Variants in SEMA3A observed in about 807,000 individuals in gnomAD.
SEMA3A encodes the protein semaphorin-3A.
In SEMA3A, 29 loss-of-function variants were observed where a neutral mutation model predicts 97.9. The observed-to-expected ratio is 0.30, with a 90% CI of 0.22 to 0.40. SEMA3A has a LOEUF of 0.40. Ranked by LOEUF, SEMA3A falls within the 10% of genes least tolerant of loss-of-function variation. The pLI, the probability that SEMA3A is intolerant of heterozygous loss-of-function variation, is 1.00. For missense variants in SEMA3A, 763 were observed against 951.3 expected, an observed-to-expected ratio of 0.80 and a Z score of 2.60; for synonymous variants, 321 against 323.7, an observed-to-expected ratio of 0.99 and a Z score of 0.09.
intron 15 of SEMA3A, among the ~76,000 whole-genome samples, chr7:83,972,952 G>A (rs1788977502): frequency 6.6e-6 from 1 of 152,086 alleles, no homozygotes; most frequent in South Asian, 2.1e-4. Flanking sequence ...AATCATAGAA[G>A]TTAATACTGC....
intron 1 of SEMA3A, among the ~76,000 whole-genome samples, chr7:84,425,443 ATATT>A (rs199694054): frequency 0.11 from 15,248 of 137,588 alleles, 1,077 homozygotes; most frequent in East Asian, 0.27. Flanking sequence ...ATATAGGCAT[ATATT>A]TATATGCATA....
Position 84,014,262 on chromosome 7 carries a change from C to T in SEMA3A, c.757G>A (p.Asp253Asn). 1 of 1,613,494 alleles carries T rather than the reference C, an allele frequency of 6.2e-7. No homozygotes were observed. The highest frequency in any genetic ancestry group is 8.5e-7 in the Non-Finnish European group (1 of 1,179,706). The change falls in exon 7 of 17, where the codon GAT becomes AAT. Residue 253 changes from aspartate (D) to asparagine (N), a missense_variant. Asp to Asn is a conservative substitution (Grantham distance 23). Transcript: ENST00000265362. ...GTAGCTTTTCCAGAGTGTTCTCCAT[C>T]TATTGCATTTTCACGGAAGAAAAAG... is the stretch of plus-strand genomic sequence containing the variant. ...VYFFFRENAI[D>N]GEHSGKATHA...
At position 84,403,708 on chromosome 7, in the gene SEMA3A, C is replaced by T. The variant is rs141191330; in HGVS notation, c.-245-31808G>A. Among the ~76,000 whole-genome samples the T allele has an allele frequency of 6.0e-3, 912 of 152,208 alleles. 10 individuals are homozygous for T. The highest frequency in any genetic ancestry group is 0.02 in the African/African-American group (847 of 41,548). On this transcript the variant is annotated intron_variant, in intron 1 of 3. Transcript: ENST00000424555. ...CTCTGAGACAAAACTTCCAGAGGAACGATCAGGCAGCAACATTTGCGGTTC... is the reference window on the plus strand; with the variant it reads ...CTCTGAGACAAAACTTCCAGAGGAATGATCAGGCAGCAACATTTGCGGTTC...
rs542753289 is a variant in SEMA3A at position 84,068,435 on chromosome 7, A to G, written c.454-7877T>C. 2.0e-3 allele frequency among the ~76,000 whole-genome samples: 295 copies of G among 148,366 alleles called. 1 individual carries two copies. Among genetic ancestry groups the G allele is most frequent in the African/African-American group, 7.2e-3 (275 of 38,350 alleles). On this transcript the variant is annotated intron_variant, in intron 4 of 16. Transcript: ENST00000265362. ...ACTTAAAGTATAATTAAAAAAAAAAAAAAACTGGAAAAAACAAAAGAAAAA... is the reference window on the plus strand; with the variant it reads ...ACTTAAAGTATAATTAAAAAAAAAAGAAAACTGGAAAAAACAAAAGAAAAA...
intron 2 of SEMA3A, among the ~76,000 whole-genome samples, chr7:84,331,430 T>C (rs1413251665): frequency 1.3e-5 from 2 of 152,202 alleles, no homozygotes; most frequent in African/African-American, 4.8e-5. Flanking sequence ...CTAGTTACTT[T>C]AACTGTTTCA....
intron 1 of SEMA3A, among the ~76,000 whole-genome samples, chr7:84,472,077 A>C (rs1483789127): frequency 2.0e-5 from 3 of 152,116 alleles, no homozygotes; most frequent in Non-Finnish European, 4.4e-5. Flanking sequence ...ACTTAACCTA[A>C]AATGAGTGTC....
At chr7:84,417,793 T>A (rs1191435976) in intron 1 of SEMA3A, among the ~76,000 whole-genome samples, 1 of 152,086 alleles carries the variant, frequency 6.6e-6, no homozygotes, top group Non-Finnish European at 1.5e-5. Flanking sequence ...GGGGGTTGGA[T>A]GAGTGGATAG....
At chr7:84,447,133 G>A (rs945259518) in intron 1 of SEMA3A, among the ~76,000 whole-genome samples, 1 of 152,196 alleles carries the variant, frequency 6.6e-6, no homozygotes, top group African/African-American at 2.4e-5. Context: ...GTGCACACAT[G>A]TGGGGTGGTG....
chr7:84,029,266 C>A (rs897173823), intron 6 of SEMA3A, among the ~76,000 whole-genome samples: 1 of 152,066 alleles, frequency 6.6e-6, no homozygotes, highest in African/African-American at 2.4e-5. Context: ...GTTTAAGAGA[C>A]AATTCTTCAA....
At chr7:84,472,247 A>G (rs1295767827) in intron 1 of SEMA3A, among the ~76,000 whole-genome samples, 1 of 152,104 alleles carries the variant, frequency 6.6e-6, no homozygotes, top group Admixed American at 6.6e-5. Flanking sequence ...AATGACAAAC[A>G]TGAGTTATAT....
At chr7:84,475,727 T>A (rs1008602616) in intron 1 of SEMA3A, among the ~76,000 whole-genome samples, 13 of 152,196 alleles carry the variant, frequency 8.5e-5, no homozygotes, top group African/African-American at 2.4e-4. Context: ...TACAGGAATA[T>A]GGGTTTACTT....
intron 1 of SEMA3A, among the ~76,000 whole-genome samples, chr7:84,439,025 G>C (rs1218946034): frequency 1.3e-5 from 2 of 151,556 alleles, no homozygotes; most frequent in Non-Finnish European, 2.9e-5. Context: ...AGGGGCCTGA[G>C]CAGGTTGATA....
intron 4 of SEMA3A, among the ~76,000 whole-genome samples, chr7:84,075,458 C>CT (rs35489504): frequency 0.12 from 14,613 of 119,260 alleles, 1,075 homozygotes; most frequent in Non-Finnish European, 0.13. Context: ...TGCACCTGGT[C>CT]TTTTTTTTTT....
intron 2 of SEMA3A, among the ~76,000 whole-genome samples, chr7:84,349,853 T>C (rs528320904): frequency 1.3e-5 from 2 of 152,160 alleles, no homozygotes; most frequent in African/African-American, 2.4e-5. Context: ...CTCATATATA[T>C]CTATGACTTC....
intron 2 of SEMA3A, among the ~76,000 whole-genome samples, chr7:84,364,731 A>G (rs1802803415): frequency 6.6e-6 from 1 of 151,718 alleles, no homozygotes. Context: ...GGGGAAAAGT[A>G]ACCAAAAGTA....
At chr7:84,083,578 C>T (rs1235072991) in intron 4 of SEMA3A, among the ~76,000 whole-genome samples, 2 of 151,916 alleles carry the variant, frequency 1.3e-5, no homozygotes, top group African/African-American at 2.4e-5. Flanking sequence ...TTTTTGTTCC[C>T]ATTAACCATT....
chr7:84,346,848 T>A (rs1311063572), intron 2 of SEMA3A, among the ~76,000 whole-genome samples: 1 of 151,878 alleles, frequency 6.6e-6, no homozygotes, highest in Admixed American at 6.6e-5. Context: ...TAACGCAGGG[T>A]TGCCAGAAAC....
In SEMA3A at chr7:84,005,505, A is replaced by G; in HGVS notation, c.1194T>C (p.Asp398=). ...GATGACTTCTTGCAAAGGTTATAAC[A>G]TCATCAGGAAGGTCCTTTGTAGAGT... ...GFDSTKDLPD[D]VITFARSHPA... Residue 398 remains aspartate (D), a synonymous_variant, in exon 11 of 17, where the codon GAT becomes GAC. Transcript: ENST00000265362. 5 of 1,614,132 alleles carry G rather than the reference A, an allele frequency of 3.1e-6. No homozygotes were observed. Among genetic ancestry groups the G allele is most frequent in the East Asian group, 2.2e-5 (1 of 44,864 alleles).
chr7:84,090,477 C>T (rs1427088793), intron 4 of SEMA3A, among the ~76,000 whole-genome samples: 1 of 152,056 alleles, frequency 6.6e-6, no homozygotes, highest in African/African-American at 2.4e-5. Context: ...CATGTTCTCT[C>T]TGCAAGGAGG....
Sources: gnomAD v4.1 joint callset for allele counts (sites outside exome capture counted in the v4.1 genomes callset) on GRCh38, gnomAD v4.1.1 for gene constraint, MANE v1.5 for transcripts, NCBI Gene and HGNC (gene_info 2026-07-23, HGNC 2026-07-21) for gene names.